Variants in SEMA6D observed in about 807,000 individuals in gnomAD.
SEMA6D encodes the protein semaphorin-6D.
In SEMA6D, 35 loss-of-function variants were observed where a neutral mutation model predicts 106.6. The ratio of observed to expected loss-of-function variants is 0.33; its 90% CI spans 0.25 to 0.44. The LOEUF (loss-of-function observed/expected upper bound fraction) is 0.44. Among genes scored for constraint, SEMA6D ranks in the 20% least tolerant of loss-of-function variants. The pLI is 1.00. For synonymous variants in SEMA6D, 499 were observed against 487.7 expected, an observed-to-expected ratio of 1.02 and a Z score of -0.31; for missense variants, 1,185 against 1,345.9, an observed-to-expected ratio of 0.88 and a Z score of 1.87.
intron 1 of SEMA6D, among the ~76,000 whole-genome samples, chr15:47,269,849 C>T (rs2034479424): frequency 6.6e-6 from 1 of 151,870 alleles, no homozygotes; most frequent in South Asian, 2.1e-4. Context: ...TAAACATCTC[C>T]AAAGTTTTTC....
At chr15:47,644,335 T>C (rs897331469) in intron 4 of SEMA6D, among the ~76,000 whole-genome samples, 1 of 152,230 alleles carries the variant, frequency 6.6e-6, no homozygotes, top group African/African-American at 2.4e-5. Flanking sequence ...CATTGTGTCA[T>C]GTATAATGCC....
chr15:47,694,078 A>G (rs917322541), intron 4 of SEMA6D, among the ~76,000 whole-genome samples: 5 of 152,144 alleles, frequency 3.3e-5, no homozygotes, highest in South Asian at 2.1e-4. Flanking sequence ...GTAGCTCCCA[A>G]ACTAGTTGCA....
intron 4 of SEMA6D, among the ~76,000 whole-genome samples, chr15:47,629,429 AG>A (rs2077257479): frequency 1.3e-5 from 2 of 152,052 alleles, no homozygotes; most frequent in South Asian, 2.1e-4. Context: ...TCTAGATTTA[AG>A]GTTTTTTTCT....
chr15:47,679,165 T>C (rs894499093), intron 4 of SEMA6D, among the ~76,000 whole-genome samples: 3 of 152,246 alleles, frequency 2.0e-5, no homozygotes, highest in African/African-American at 7.2e-5. Context: ...ACTACAGATA[T>C]GTATTTTGTT....
chr15:47,724,542 A>T (rs1048051243), intron 1 of SEMA6D, among the ~76,000 whole-genome samples: 1 of 150,540 alleles, frequency 6.6e-6, no homozygotes, highest in African/African-American at 2.4e-5. Context: ...TTCTTGAACT[A>T]GGTAGGATTT....
At chr15:47,389,373 A>G (rs538034805) in intron 1 of SEMA6D, among the ~76,000 whole-genome samples, 1 of 152,178 alleles carries the variant, frequency 6.6e-6, no homozygotes, top group Admixed American at 6.5e-5. Flanking sequence ...TTGTGAAGGT[A>G]TTTCTTCCAC....
intron 1 of SEMA6D, among the ~76,000 whole-genome samples, chr15:47,212,933 T>C (rs2030183555): frequency 6.6e-6 from 1 of 150,940 alleles, no homozygotes; most frequent in Non-Finnish European, 1.5e-5. Flanking sequence ...AGATAACACA[T>C]AGTCAGGAAA....
At chr15:47,197,017 A>G (rs1323957709) in intron 1 of SEMA6D, among the ~76,000 whole-genome samples, 1 of 152,172 alleles carries the variant, frequency 6.6e-6, no homozygotes, top group African/African-American at 2.4e-5. Context: ...AAAAAATCAC[A>G]TATAAATTCA....
chr15:47,637,550 C>G (rs2077411855), intron 4 of SEMA6D, among the ~76,000 whole-genome samples: 1 of 152,180 alleles, frequency 6.6e-6, no homozygotes, highest in Admixed American at 6.5e-5. Flanking sequence ...TCACACTAAC[C>G]TTCTGTGCTC....
intron 1 of SEMA6D, among the ~76,000 whole-genome samples, chr15:47,748,711 T>C (rs2081271713): frequency 1.3e-5 from 2 of 152,114 alleles, no homozygotes; most frequent in Admixed American, 1.3e-4. Flanking sequence ...ATGGAGAAGC[T>C]AGAAAGAATA....
chr15:47,368,705 T>C (rs281279), intron 1 of SEMA6D, among the ~76,000 whole-genome samples: 122,297 of 152,118 alleles, frequency 0.8, 49,540 homozygotes, highest in Middle Eastern at 0.87. Context: ...GTATTATATT[T>C]CCAGACCCTA....
intron 3 of SEMA6D, among the ~76,000 whole-genome samples, chr15:47,568,876 T>TA (rs1244465750): frequency 1.3e-5 from 2 of 152,080 alleles, no homozygotes; most frequent in African/African-American, 2.4e-5. Flanking sequence ...ATGTTATTAT[T>TA]ACGAATAATA....
At chr15:47,399,056 C>T (rs889983022) in intron 1 of SEMA6D, among the ~76,000 whole-genome samples, 1 of 152,140 alleles carries the variant, frequency 6.6e-6, no homozygotes, top group African/African-American at 2.4e-5. Flanking sequence ...CACGTAAATT[C>T]TTTACATGAG....
At chr15:47,337,341 C>T (rs1423893069) in intron 1 of SEMA6D, among the ~76,000 whole-genome samples, 1 of 152,050 alleles carries the variant, frequency 6.6e-6, no homozygotes, top group African/African-American at 2.4e-5. Flanking sequence ...AAAAAGAGAA[C>T]GTTGATGGCC....
intron 3 of SEMA6D, among the ~76,000 whole-genome samples, chr15:47,596,733 AAGAATGAAACT>A (rs2076544040): frequency 6.6e-6 from 1 of 152,230 alleles, no homozygotes; most frequent in South Asian, 2.1e-4. Context: ...CCATATGCAG[AAGAATGAAACT>A]AGACCCATAT....
chr15:47,410,055 G>C (rs2040735628), intron 1 of SEMA6D, among the ~76,000 whole-genome samples: 1 of 152,098 alleles, frequency 6.6e-6, no homozygotes, highest in African/African-American at 2.4e-5. Context: ...GCTCACTGCA[G>C]CCTCAACCTC....
intron 1 of SEMA6D, among the ~76,000 whole-genome samples, chr15:47,312,374 A>G (rs1478334843): frequency 1.3e-5 from 2 of 152,092 alleles, no homozygotes; most frequent in African/African-American, 4.8e-5. Context: ...CTTATTCTCT[A>G]TAATTGAATT....
intron 3 of SEMA6D, among the ~76,000 whole-genome samples, chr15:47,551,594 C>T (rs1340977077): frequency 2.0e-5 from 3 of 151,928 alleles, no homozygotes; most frequent in African/African-American, 7.3e-5. Flanking sequence ...CTTCATATCT[C>T]TGTGCTTCCA....
intron 1 of SEMA6D, among the ~76,000 whole-genome samples, chr15:47,200,226 C>A (rs990597443): frequency 2.0e-5 from 3 of 152,110 alleles, no homozygotes; most frequent in Admixed American, 6.6e-5. Context: ...TGATTTAGCT[C>A]CCCTTGCTTC....
Sources: gnomAD v4.1 joint callset for allele counts (sites outside exome capture counted in the v4.1 genomes callset) on GRCh38, gnomAD v4.1.1 for gene constraint, MANE v1.5 for transcripts, NCBI Gene and HGNC (gene_info 2026-07-23, HGNC 2026-07-21) for gene names.